ORC4: variants seen among roughly 807,000 people sequenced by gnomAD.
ORC4 encodes origin recognition complex subunit 4.
Under a neutral mutation model 63.9 loss-of-function variants are expected in ORC4, and 55 were observed. The observed-to-expected ratio is 0.86, with a 90% CI of 0.69 to 1.08. The LOEUF is 1.08. Ranked by LOEUF, ORC4 falls within the 50% of genes least tolerant of loss-of-function variation. The pLI is 0.00. For missense variants in ORC4, 511 were observed against 504.4 expected, an observed-to-expected ratio of 1.01 and a Z score of -0.13; for synonymous variants, 150 against 168.5, an observed-to-expected ratio of 0.89 and a Z score of 0.85.
intron 6 of ORC4, among the ~76,000 whole-genome samples, chr2:147,955,861 G>C (rs1279788589): frequency 6.6e-6 from 1 of 151,836 alleles, no homozygotes; most frequent in Non-Finnish European, 1.5e-5. Context: ...ATTTAAATGA[G>C]AAACAAAAAG....
chr2:148,016,835 C>T (rs1042556101), intron 1 of ORC4, among the ~76,000 whole-genome samples: 1 of 152,154 alleles, frequency 6.6e-6, no homozygotes, highest in African/African-American at 2.4e-5. Flanking sequence ...TTTGTACCAA[C>T]CTAATGCATT....
intron 10 of ORC4, among the ~76,000 whole-genome samples, chr2:147,940,788 G>GAT (rs1688325527): frequency 6.6e-6 from 1 of 152,056 alleles, no homozygotes; most frequent in Non-Finnish European, 1.5e-5. Flanking sequence ...TGTTCTCACT[G>GAT]ATATGATATG....
chr2:148,020,449 C>G (rs1369621823), intron 1 of ORC4, among the ~76,000 whole-genome samples, 184 bp downstream of exon 1: 1 of 152,148 alleles, frequency 6.6e-6, no homozygotes, highest in Non-Finnish European at 1.5e-5. Flanking sequence ...GGAGTGGCCA[C>G]AAGACGGAGC....
intron 1 of ORC4, among the ~76,000 whole-genome samples, chr2:148,006,628 T>G (rs1030593325): frequency 6.6e-6 from 1 of 152,180 alleles, no homozygotes; most frequent in African/African-American, 2.4e-5. Context: ...AAGCTTTTGA[T>G]AGCAAGCTTT....
At chr2:148,009,347 T>C (rs548781372) in intron 1 of ORC4, among the ~76,000 whole-genome samples, 46 of 152,106 alleles carry the variant, frequency 3.0e-4, no homozygotes, top group African/African-American at 9.9e-4. Flanking sequence ...AATTCTTCAC[T>C]ATAAAAACAT....
At chr2:147,997,848 C>A (rs979200629) in intron 1 of ORC4, among the ~76,000 whole-genome samples, 2 of 152,088 alleles carry the variant, frequency 1.3e-5, no homozygotes, top group African/African-American at 4.8e-5. Context: ...ATATAAATTT[C>A]TAAGTGTAAA....
chr2:147,996,559 C>G (rs972484551), intron 1 of ORC4, among the ~76,000 whole-genome samples: 7 of 152,038 alleles, frequency 4.6e-5, no homozygotes. Context: ...ACAAAATATA[C>G]AAAGAACTCA....
At chr2:148,015,033 C>T (rs1573906183) in intron 1 of ORC4, among the ~76,000 whole-genome samples, 1 of 151,216 alleles carries the variant, frequency 6.6e-6, no homozygotes, top group Non-Finnish European at 1.5e-5. Context: ...CTAATAATCT[C>T]GATGAATACA....
chr2:148,018,017 T>C (rs1419462788), intron 1 of ORC4, among the ~76,000 whole-genome samples: 1 of 151,566 alleles, frequency 6.6e-6, no homozygotes, highest in Non-Finnish European at 1.5e-5. Context: ...CAGAAGAGAG[T>C]AATGCTCCAA....
intron 13 of ORC4, chr2:147,936,754 C>T (rs1688070839): frequency 6.6e-6 from 1 of 152,226 alleles, no homozygotes; most frequent in African/African-American, 2.4e-5. Context: ...GGCGCAGTGG[C>T]TCACGCCTGT....
chr2:147,950,391 T>C (rs1688884702), intron 8 of ORC4, among the ~76,000 whole-genome samples: 1 of 152,164 alleles, frequency 6.6e-6, no homozygotes, highest in Non-Finnish European at 1.5e-5. Context: ...TTACTCCCAA[T>C]GGGGAAGAAG....
At chr2:148,003,562 C>T (rs183213942) in intron 1 of ORC4, among the ~76,000 whole-genome samples, 12 of 152,138 alleles carry the variant, frequency 7.9e-5, no homozygotes, top group African/African-American at 2.7e-4. Context: ...ATTCAACACC[C>T]CTTCATGCTA....
At chr2:148,008,256 A>C (rs1332766070) in intron 1 of ORC4, among the ~76,000 whole-genome samples, 1 of 152,192 alleles carries the variant, frequency 6.6e-6, no homozygotes, top group African/African-American at 2.4e-5. Context: ...TAAATACAGA[A>C]TACTCTAACC....
chr2:147,952,382 T>C lies in ORC4; in HGVS notation c.579A>G (p.Thr193=). 1 of 1,603,250 alleles carries C rather than the reference T, an allele frequency of 6.2e-7. No homozygotes were observed. The highest frequency in any genetic ancestry group is 1.3e-5 in the African/African-American group (1 of 74,794). The change falls in exon 8 of 14, where the codon ACA becomes ACG. Residue 193 remains threonine (T), a synonymous_variant. Coordinates refer to ENST00000392857, the MANE Select transcript of ORC4 (RefSeq NM_181741.4). Reference sequence around the variant, plus strand: ...GAACAGAAAGACTTACCAATCTACATGTAAGACCAATAACTGCTATTGGGG... The same window carrying C: ...GAACAGAAAGACTTACCAATCTACACGTAAGACCAATAACTGCTATTGGGG... ...AQTPIAVIGL[T]CRLDILELLE... is the part of the protein sequence containing the mutation.
At chr2:147,937,900 T>C in intron 13 of ORC4, 1 of 554,890 alleles carries the variant, frequency 1.8e-6, no homozygotes, top group Non-Finnish European at 3.2e-6. Context: ...CTATACTGAA[T>C]AGTTGTTTTC....
At chr2:147,982,407 A>T (rs1660149482) in intron 1 of ORC4, among the ~76,000 whole-genome samples, 1 of 152,206 alleles carries the variant, frequency 6.6e-6, no homozygotes, top group South Asian at 2.1e-4. Flanking sequence ...GGGCTTTTGC[A>T]GTATGTTTTA....
At chr2:147,987,349 CAT>C (rs1256635684) in intron 1 of ORC4, among the ~76,000 whole-genome samples, 1 of 118,988 alleles carries the variant, frequency 8.4e-6, no homozygotes, top group Non-Finnish European at 1.7e-5. Context: ...AAGAACTTTC[CAT>C]ATATAGATAT....
chr2:148,021,079 C>T (rs1482519177), upstream of ORC4: 1 of 152,506 alleles, frequency 6.6e-6, no homozygotes, highest in African/African-American at 2.4e-5. Context: ...ACCCGAACCC[C>T]CCCTCCCCCC....
intron 1 of ORC4, among the ~76,000 whole-genome samples, chr2:148,013,000 A>G (rs969163491): frequency 6.6e-6 from 1 of 152,216 alleles, no homozygotes; most frequent in Admixed American, 6.5e-5. Context: ...GGAAATGTAA[A>G]CTGGCACAGT....
Sources: gnomAD v4.1 joint callset for allele counts (sites outside exome capture counted in the v4.1 genomes callset) on GRCh38, gnomAD v4.1.1 for gene constraint, MANE v1.5 for transcripts, NCBI Gene and HGNC (gene_info 2026-07-23, HGNC 2026-07-21) for gene names.